The following MAP7D2 variants were observed in gnomAD, a reference collection of about 807,000 sequenced individuals.
MAP7D2 encodes MAP7 domain containing 2, also known as MAP7 domain-containing protein 2.
In MAP7D2, 33 loss-of-function variants were observed where a neutral mutation model predicts 63.5. The observed-to-expected ratio is 0.52, with a 90% CI of 0.39 to 0.70. The LOEUF is 0.70. Ranked by LOEUF, MAP7D2 falls within the 30% of genes least tolerant of loss-of-function variation. The pLI is 0.00. For synonymous variants in MAP7D2, 224 were observed against 223.7 expected (o/e 1.00, Z -0.01); for missense variants, 626 against 604.0 (o/e 1.04, Z -0.38).
chrX:20,029,789 AT>A (rs35905676), intron 8 of MAP7D2, among the ~76,000 whole-genome samples: 155 of 102,166 alleles, frequency 1.5e-3, no homozygotes, highest in South Asian at 7.8e-3. Context: ...CAAGTCATAG[AT>A]TTTTTTTTTT....
intron 3 of MAP7D2, among the ~76,000 whole-genome samples, chrX:20,060,555 T>C (rs1001715780): frequency 2.7e-5 from 3 of 111,327 alleles, no homozygotes; most frequent in Non-Finnish European, 3.8e-5. Flanking sequence ...CCAAATCCAA[T>C]TTTCCAGGGC....
intron 10 of MAP7D2, among the ~76,000 whole-genome samples, chrX:20,022,103 G>A (rs2073672184): frequency 8.9e-6 from 1 of 111,778 alleles, no homozygotes; most frequent in Non-Finnish European, 1.9e-5. Flanking sequence ...TCTGTCCCAG[G>A]CACAGGGCCA....
At chrX:20,031,583 A>G (rs906342087) in intron 8 of MAP7D2, among the ~76,000 whole-genome samples, 3 of 110,945 alleles carry the variant, frequency 2.7e-5, no homozygotes, top group Non-Finnish European at 3.8e-5. Flanking sequence ...CCTGGCCAAC[A>G]TGGTGAAACC....
chrX:20,011,164 G>C, intron 15 of MAP7D2, 112 bp from the exon 16 acceptor site: 1 of 795,196 alleles, frequency 1.3e-6, no homozygotes, highest in Non-Finnish European at 1.8e-6. Flanking sequence ...TAAAGAAGAA[G>C]GATTTAGAGT....
intron 1 of MAP7D2, among the ~76,000 whole-genome samples, chrX:20,072,453 G>A (rs1478876055): frequency 9.0e-6 from 1 of 111,691 alleles, no homozygotes; most frequent in Non-Finnish European, 1.9e-5. Context: ...CTTCTTAAGG[G>A]CAGGGCTATG....
At chrX:20,053,021 C>T (rs1640482356) in intron 4 of MAP7D2, 33 bp from the exon 5 acceptor site, 1 of 1,012,436 alleles carries the variant, frequency 9.9e-7, no homozygotes, top group Admixed American at 2.2e-5. Context: ...CATTGGTATT[C>T]ATCACACTAC....
At chrX:20,023,953 G>A (rs1305359282) in intron 10 of MAP7D2, among the ~76,000 whole-genome samples, 1 of 111,953 alleles carries the variant, frequency 8.9e-6, no homozygotes, top group Non-Finnish European at 1.9e-5. Flanking sequence ...CTACCCCACT[G>A]TCCCTTTTAA....
In MAP7D2 at chrX:20,007,482, G is replaced by T. The variant is rs1194594369; in HGVS notation, c.*943C>A. 9.0e-6 allele frequency: 1 copy of T among 111,731 alleles called. No individual in the cohort carries two copies. The highest frequency in any genetic ancestry group is 2.8e-4 in the East Asian group (1 of 3,564). The allele number at this position is 111,731 out of a possible 1,213,427, so 9.2% of individuals were successfully genotyped here. Reference sequence around the variant, plus strand: ...TAAAGTGACATACTGGGTCCAATGTGGGCCCCCTATTGTTTCAGAATGCTA... The same window carrying T: ...TAAAGTGACATACTGGGTCCAATGTTGGCCCCCTATTGTTTCAGAATGCTA... On this transcript the variant is annotated 3_prime_UTR_variant, in exon 17 of 17. Transcript: ENST00000379643.
At chrX:20,027,687 G>C (rs1171780932) in intron 8 of MAP7D2, among the ~76,000 whole-genome samples, 1 of 108,327 alleles carries the variant, frequency 9.2e-6, no homozygotes, top group Non-Finnish European at 1.9e-5. Flanking sequence ...CGGGGAGGGA[G>C]AGAGGGAGAG....
intron 1 of MAP7D2, among the ~76,000 whole-genome samples, chrX:20,093,153 AAAC>A (rs2066114406): frequency 8.9e-6 from 1 of 111,894 alleles, no homozygotes; most frequent in Non-Finnish European, 1.9e-5. Context: ...TCGAGGGCTC[AAAC>A]ACACTATTTG....
chrX:20,034,602 T>C (rs747502144), intron 8 of MAP7D2, among the ~76,000 whole-genome samples: 1 of 111,538 alleles, frequency 9.0e-6, no homozygotes, highest in East Asian at 2.8e-4. Flanking sequence ...AGTGCCCTTA[T>C]AAAAGAGACC....
At chrX:20,058,824 T>C (rs1469598499) in intron 3 of MAP7D2, among the ~76,000 whole-genome samples, 1 of 112,460 alleles carries the variant, frequency 8.9e-6, no homozygotes, top group African/African-American at 3.2e-5. Flanking sequence ...GGGTGATTCA[T>C]ACATATAGAA....
intron 6 of MAP7D2, 25 bp from the exon 7 acceptor site, chrX:20,044,549 A>AG: frequency 2.5e-6 from 3 of 1,180,928 alleles, no homozygotes; most frequent in Non-Finnish European, 3.5e-6. Flanking sequence ...TATAACAGCC[A>AG]GAAGGACAGA....
At position 20,016,210 on chromosome X, in the gene MAP7D2, C is replaced by T. The variant is rs748452666; in HGVS notation, c.1528G>A (p.Glu510Lys). The T allele has an allele frequency of 5.0e-6, 6 of 1,196,784 alleles. No homozygotes were observed. The South Asian group carries it at 1.1e-4, about 22-fold the overall frequency. The change falls in exon 11 of 17, where the codon GAA becomes AAA. Residue 510 changes from glutamate (E) to lysine (K), a missense_variant. By Grantham distance (56) the Glu-to-Lys change is moderately conservative. Transcript: ENST00000379643. ...KRQEEEKKKQ[E>K]GEEKRKAGEE... ...CCTGCCTTTCTTTTCTCTTCCCCTT[C>T]CTGTTTTTTCTTTTCCTCTTCCTGC...
At chrX:20,012,070 G>A (rs1249626169) in intron 15 of MAP7D2, among the ~76,000 whole-genome samples, 1 of 111,504 alleles carries the variant, frequency 9.0e-6, no homozygotes. Flanking sequence ...AGCTGAGAAG[G>A]CATCCTTGCT....
Position 20,016,082 on chromosome X carries a change from C to T in MAP7D2, c.1644+12G>A. 2 of 1,198,350 alleles carry T rather than the reference C, an allele frequency of 1.7e-6. No homozygotes were observed. The highest frequency in any genetic ancestry group is 2.3e-6 in the Non-Finnish European group (2 of 884,238). On this transcript the variant is annotated intron_variant, in intron 11 of 16. Coordinates refer to ENST00000379643, the MANE Select transcript of MAP7D2 (RefSeq NM_001168465.2). The stretch of plus-strand genomic sequence containing the variant: ...AAAACAAGTAAAGTCCATCTGAGGA[C>T]TCATACAGTACCTGCTTTTCAATCA...
chrX:20,042,393 G>T, intron 8 of MAP7D2, 109 bp downstream of exon 8: 1 of 901,918 alleles, frequency 1.1e-6, no homozygotes, highest in Non-Finnish European at 1.6e-6. Flanking sequence ...ACCACTTCTG[G>T]CTGGCCACGC....
intron 3 of MAP7D2, among the ~76,000 whole-genome samples, chrX:20,061,118 C>CA (rs780468494): frequency 0.035 from 1,180 of 33,839 alleles, 5 homozygotes; most frequent in East Asian, 0.071. Context: ...AGAACATGAC[C>CA]AAAAAAAAAA....
intron 1 of MAP7D2, among the ~76,000 whole-genome samples, chrX:20,108,064 G>A (rs2066618919): frequency 9.0e-6 from 1 of 111,302 alleles, no homozygotes; most frequent in African/African-American, 3.3e-5. Context: ...CCTGTGGACA[G>A]GTGCCAGTCT....
Sources: allele counts gnomAD v4.1 joint callset (sites outside exome capture counted in the v4.1 genomes callset), GRCh38; gene constraint gnomAD v4.1.1; transcripts MANE v1.5; gene names NCBI Gene and HGNC (gene_info 2026-07-23, HGNC 2026-07-21).